Variants in MAP1B observed in about 807,000 individuals in gnomAD.
MAP1B encodes microtubule associated protein 1B.
MAP1B carries 12 observed loss-of-function variants against 176.1 expected under a neutral mutation model. That is an observed-to-expected ratio of 0.07 (90% CI 0.04 to 0.11). The LOEUF is 0.11. Among genes scored for constraint, MAP1B ranks in the 10% least tolerant of loss-of-function variants. MAP1B has a pLI of 1.00. For missense variants in MAP1B, 2,523 were observed against 2,990.5 expected (o/e 0.84, Z 3.65); for synonymous variants, 1,044 against 1,135.0 (o/e 0.92, Z 1.61).
intron 2 of MAP1B, among the ~76,000 whole-genome samples, chr5:72,162,561 A>T (rs191826704): frequency 6.6e-6 from 1 of 152,320 alleles, no homozygotes; most frequent in East Asian, 1.9e-4. Flanking sequence ...AGTTACAGGT[A>T]TCATTTTATG....
intron 2 of MAP1B, among the ~76,000 whole-genome samples, chr5:72,122,474 C>G (rs1291002765): frequency 6.6e-6 from 1 of 152,134 alleles, no homozygotes; most frequent in Admixed American, 6.5e-5. Context: ...TTTCAGGATT[C>G]TTTATATCCA....
chr5:72,198,561 C>T lies in MAP1B; in HGVS notation c.5206C>T (p.His1736Tyr). 3 of 1,614,074 alleles carry T rather than the reference C, an allele frequency of 1.9e-6. No homozygotes were observed. Among genetic ancestry groups the T allele is most frequent in the Non-Finnish European group, 2.5e-6 (3 of 1,180,034 alleles). ...GGCCTCCCCGTCCACCTCTTCTGCT[C>T]ATACCCCTTCTCAGATCGCTTCTCC... ...VEASPSTSSA[H>Y]TPSQIASPLQ... is the part of the protein sequence containing the mutation. Residue 1736 changes from histidine (H) to tyrosine (Y), a missense_variant, in exon 5 of 7, where the codon CAT becomes TAT. Physicochemically the swap from His to Tyr is moderately conservative, Grantham distance 83 (BLOSUM62 2). Transcript: ENST00000296755.
rs569876564 is a variant in MAP1B, at chr5:72,117,041, A to G, written c.286+1242A>G. The stretch of plus-strand genomic sequence containing the variant: ...GTTATTGAAATGCATTGTAGCTTTC[A>G]AGTATGGAATTGAGTAAATGTGCTA... On this transcript the variant is annotated intron_variant, in intron 2 of 6. Coordinates refer to ENST00000296755, the MANE Select transcript of MAP1B (RefSeq NM_005909.5). 2.0e-5 allele frequency among the ~76,000 whole-genome samples: 3 copies of G among 152,130 alleles called. No individual in the cohort carries two copies. The South Asian group carries it at 6.2e-4, about 32-fold the overall frequency.
intron 2 of MAP1B, among the ~76,000 whole-genome samples, chr5:72,129,374 G>C (rs930089495): frequency 7.2e-5 from 11 of 152,138 alleles, no homozygotes; most frequent in Non-Finnish European, 1.5e-4. Context: ...TGGCCAACAT[G>C]GCGAAACCCT....
chr5:72,124,958 A>C (rs1232000892), intron 2 of MAP1B, among the ~76,000 whole-genome samples: 1 of 152,214 alleles, frequency 6.6e-6, no homozygotes, highest in Non-Finnish European at 1.5e-5. Flanking sequence ...CCTTATTGCA[A>C]TAAAATTAAA....
At chr5:72,156,637 A>G (rs1351206178) in intron 2 of MAP1B, among the ~76,000 whole-genome samples, 1 of 152,218 alleles carries the variant, frequency 6.6e-6, no homozygotes, top group Non-Finnish European at 1.5e-5. Context: ...ATGTTACCCC[A>G]TTTAAATCTC....
chr5:72,197,244 G>A lies in MAP1B; in HGVS notation c.3889G>A (p.Val1297Met). ...KVSAEAEVAPVSPEVTQEVVE... is the reference protein window; with the variant it reads ...KVSAEAEVAPMSPEVTQEVVE... ...CTCTGCAGAGGCAGAAGTAGCCCCG[G>A]TGTCTCCTGAGGTGACCCAAGAAGT... Residue 1297 changes from valine (V) to methionine (M), a missense_variant, in exon 5 of 7, where the codon GTG becomes ATG. By Grantham distance (21) the Val-to-Met change is conservative. Coordinates refer to ENST00000296755, the MANE Select transcript of MAP1B (RefSeq NM_005909.5). 2 of 1,614,222 alleles carry A rather than the reference G, an allele frequency of 1.2e-6. No homozygotes were observed. Among genetic ancestry groups the A allele is most frequent in the Non-Finnish European group, 1.7e-6 (2 of 1,180,042 alleles).
rs759225010 is a variant in MAP1B, at chr5:72,194,870, C to T, written c.1515C>T (p.Leu505=). 6.2e-7 allele frequency: 1 copy of T among 1,614,022 alleles called. No individual in the cohort carries two copies. Among genetic ancestry groups the T allele is most frequent in the African/African-American group, 1.3e-5 (1 of 74,920 alleles). The part of the protein sequence containing the change: ...QYNILEGLEK[L]KHLDFLKQPL... The stretch of plus-strand genomic sequence containing the variant: ...ACATCCTGGAAGGGTTGGAAAAGCT[C>T]AAACATCTAGACTTTCTGAAGCAGC... Residue 505 remains leucine, a synonymous_variant, in exon 5 of 7, where the codon CTC becomes CTT. Transcript: ENST00000296755. This position sits in a 1 kb window ranked among gnomAD's most constrained non-coding sequence, Gnocchi z 7.2.
rs1214617047 is a variant in MAP1B at position 72,127,489 on chromosome 5, T to C, written c.286+11690T>C. On this transcript the variant is annotated intron_variant, in intron 2 of 6. Coordinates refer to ENST00000296755, the MANE Select transcript of MAP1B (RefSeq NM_005909.5). ...ATTTGATCATATTTGCAAAAAAGTG[T>C]TAATTCACTCATTAAAACCTAGGCG... is the stretch of plus-strand genomic sequence containing the variant. Among the ~76,000 whole-genome samples, 4 of 152,210 alleles carry C rather than the reference T, an allele frequency of 2.6e-5. 1 individual carries two copies. The highest frequency in any genetic ancestry group is 1.3e-4 in the Admixed American group (2 of 15,276).
At chr5:72,144,892 T>G (rs1746017401) in intron 2 of MAP1B, among the ~76,000 whole-genome samples, 2 of 152,186 alleles carry the variant, frequency 1.3e-5, no homozygotes, top group Non-Finnish European at 2.9e-5. Context: ...AATGCACTCC[T>G]TCTTATAACT....
chr5:72,156,817 A>G (rs772607182), intron 2 of MAP1B, among the ~76,000 whole-genome samples: 6 of 152,180 alleles, frequency 3.9e-5, no homozygotes, highest in Non-Finnish European at 8.8e-5. Flanking sequence ...AGACCAAAGT[A>G]CCCCAGAGGT....
chr5:72,141,334 A>C (rs888902463), intron 2 of MAP1B, among the ~76,000 whole-genome samples: 5 of 152,264 alleles, frequency 3.3e-5, no homozygotes, highest in African/African-American at 1.2e-4. Flanking sequence ...AAGTGGTTGG[A>C]GCTTAATAGT....
At position 72,195,464 on chromosome 5, in the gene MAP1B, A is replaced by G. The variant is rs1747135623; in HGVS notation, c.2109A>G (p.Glu703=). The change falls in exon 5 of 7, where the codon GAA becomes GAG. Residue 703 remains glutamate (E), a synonymous_variant. Coordinates refer to ENST00000296755, the MANE Select transcript of MAP1B (RefSeq NM_005909.5). ...KKEPKKEVKK[E]TPPKEVKKEV... Reference sequence around the variant, plus strand: ...AACCCAAGAAAGAGGTTAAGAAAGAAACACCGCCAAAGGAAGTCAAGAAGG... The same window carrying G: ...AACCCAAGAAAGAGGTTAAGAAAGAGACACCGCCAAAGGAAGTCAAGAAGG... 1 of 1,588,168 alleles carries G rather than the reference A, an allele frequency of 6.3e-7. No homozygotes were observed.
chr5:72,132,877 T>G (rs1193149018), intron 2 of MAP1B, among the ~76,000 whole-genome samples: 1 of 152,172 alleles, frequency 6.6e-6, no homozygotes, highest in Non-Finnish European at 1.5e-5. Context: ...GAGCTCTGTT[T>G]GTTTCCTCCT....
At chr5:72,150,380 C>T (rs72779277) in intron 2 of MAP1B, among the ~76,000 whole-genome samples, 27,470 of 152,186 alleles carry the variant, frequency 0.18, 2,698 homozygotes, top group Middle Eastern at 0.26. Flanking sequence ...GGCTGCAAGC[C>T]GAAATGACCC....
chr5:72,197,239 C>T lies in MAP1B; in HGVS notation c.3884C>T (p.Ala1295Val), dbSNP rs750108244. 6.2e-7 allele frequency: 1 copy of T among 1,614,230 alleles called. No homozygotes were observed. The highest frequency in any genetic ancestry group is 1.6e-4 in the Middle Eastern group (1 of 6,062). Residue 1295 changes from alanine to valine, a missense_variant, in exon 5 of 7, where the codon GCC (alanine) becomes GTC (valine). Physicochemically the swap from Ala to Val is moderately conservative, Grantham distance 64. Transcript: ENST00000296755. ...AAAGTCTCTGCAGAGGCAGAAGTAG[C>T]CCCGGTGTCTCCTGAGGTGACCCAA... ...EIKVSAEAEV[A>V]PVSPEVTQEV...
rs867311041 is a variant in MAP1B at position 72,198,814 on chromosome 5, C to T, written c.5459C>T (p.Pro1820Leu). The T allele has an allele frequency of 6.2e-7, 1 of 1,614,206 alleles. No homozygotes were observed. Among genetic ancestry groups the T allele is most frequent in the Non-Finnish European group, 8.5e-7 (1 of 1,180,026 alleles). Reference sequence around the variant, plus strand: ...GCAACTTGCCACAGTTCCTCTTCTCCACCAATAGATGCAGCATCCGCAGAG... The same window carrying T: ...GCAACTTGCCACAGTTCCTCTTCTCTACCAATAGATGCAGCATCCGCAGAG... ...KTATCHSSSS[P>L]PIDAASAEPY... The change falls in exon 5 of 7, where the codon CCA becomes CTA. Residue 1820 changes from proline (P) to leucine (L), a missense_variant. Pro to Leu is a moderately conservative substitution (Grantham distance 98). Around this residue, in one of 4 missense-constraint regions of MAP1B, gnomAD observed 1,925 missense variants for 2,126.0 expected, o/e 0.91. Transcript: ENST00000296755.
At chr5:72,146,956 ATCT>A (rs1190426990) in intron 2 of MAP1B, among the ~76,000 whole-genome samples, 16 of 149,598 alleles carry the variant, frequency 1.1e-4, no homozygotes, top group Non-Finnish European at 1.8e-4. Context: ...TTTTATCCAA[ATCT>A]TCTTTTTTTT....
chr5:72,194,814 G>T lies in MAP1B; in HGVS notation c.1459G>T (p.Val487Phe). ...PANPAEKIIR[V>F]LFPGNSTQYN... ...AAACCCTGCGGAGAAAATCATCCGA[G>T]TCCTGTTTCCTGGGAACAGCACCCA... Residue 487 changes from valine (V) to phenylalanine (F), a missense_variant, in exon 5 of 7, where the codon GTC (valine) becomes TTC (phenylalanine). By Grantham distance (50) the Val-to-Phe change is conservative. This residue lies in a region of MAP1B where 1,925 missense variants were observed against 2,126.0 expected (regional missense o/e 0.91). Coordinates refer to ENST00000296755, the MANE Select transcript of MAP1B (RefSeq NM_005909.5). The surrounding 1 kb of genome is among the most constrained non-coding windows in gnomAD (Gnocchi z 7.2). The T allele has an allele frequency of 6.2e-7, 1 of 1,614,190 alleles. No individual in the cohort carries two copies. Among genetic ancestry groups the T allele is most frequent in the Non-Finnish European group, 8.5e-7 (1 of 1,180,042 alleles).
Sources: gnomAD v4.1 joint callset for allele counts (sites outside exome capture counted in the v4.1 genomes callset) on GRCh38, gnomAD v4.1.1 for gene constraint, gnomAD v4.1.1 regional missense constraint, Gnocchi (gnomAD v3.1) non-coding constraint, MANE v1.5 for transcripts, NCBI Gene and HGNC (gene_info 2026-07-23, HGNC 2026-07-21) for gene names.